ELMO1: variants seen among roughly 807,000 people sequenced by gnomAD.
The protein encoded by ELMO1 is engulfment and cell motility protein 1.
Under a neutral mutation model 98.9 loss-of-function variants are expected in ELMO1, and 26 were observed. The observed-to-expected ratio is 0.26, with a 90% CI of 0.19 to 0.36. The LOEUF (loss-of-function observed/expected upper bound fraction) is 0.36, where lower values mean the gene tolerates loss of function less well. ELMO1 is among the 10% of genes least tolerant of loss of function. The pLI, the probability that ELMO1 is intolerant of heterozygous loss-of-function variation, is 1.00. For missense variants in ELMO1, 627 were observed against 935.2 expected (o/e 0.67, Z 4.30); for synonymous variants, 346 against 346.0 (o/e 1.00, Z 0.00).
chr7:37,306,550 G>C (rs1051658538), intron 4 of ELMO1, among the ~76,000 whole-genome samples: 1 of 152,122 alleles, frequency 6.6e-6, no homozygotes, highest in Non-Finnish European at 1.5e-5. Context: ...AAGATCCAAA[G>C]GCTGCTCACT....
intron 2 of ELMO1, among the ~76,000 whole-genome samples, chr7:37,327,170 C>T (rs1347414295): frequency 1.3e-5 from 2 of 152,214 alleles, no homozygotes; most frequent in Non-Finnish European, 2.9e-5. Context: ...CCACTGCACT[C>T]CACCATGCCT....
intron 16 of ELMO1, among the ~76,000 whole-genome samples, chr7:37,005,195 T>A (rs892325054): frequency 1.3e-5 from 2 of 151,676 alleles, no homozygotes; most frequent in Non-Finnish European, 2.9e-5. Flanking sequence ...TGACTCAGAT[T>A]CCTCGCATGC....
intron 6 of ELMO1, among the ~76,000 whole-genome samples, chr7:37,251,222 T>C (rs1174302548): frequency 2.6e-5 from 4 of 152,246 alleles, no homozygotes; most frequent in African/African-American, 9.6e-5. Flanking sequence ...TCCATCTTTT[T>C]GATATTTGTT....
chr7:37,132,696 T>C (rs1388218806), intron 14 of ELMO1, among the ~76,000 whole-genome samples: 10 of 152,220 alleles, frequency 6.6e-5, no homozygotes, highest in Non-Finnish European at 1.5e-4. Context: ...TGACGTGAAA[T>C]GTAAGAAGGC....
At chr7:37,314,394 C>T (rs1799042284) in intron 4 of ELMO1, among the ~76,000 whole-genome samples, 2 of 152,090 alleles carry the variant, frequency 1.3e-5, no homozygotes, top group African/African-American at 4.8e-5. Flanking sequence ...TAAAATCACC[C>T]AAGGAGAGAG....
At chr7:37,015,051 C>G (rs1041121423) in intron 15 of ELMO1, among the ~76,000 whole-genome samples, 4 of 152,288 alleles carry the variant, frequency 2.6e-5, no homozygotes, top group African/African-American at 7.2e-5. Context: ...TTTCAGACTT[C>G]TTAACAGTTT....
At chr7:37,334,832 T>C (rs1800312660) in intron 2 of ELMO1, among the ~76,000 whole-genome samples, 1 of 152,232 alleles carries the variant, frequency 6.6e-6, no homozygotes, top group South Asian at 2.1e-4. Context: ...CTGCAGGCAA[T>C]CACACTTACC....
At chr7:37,194,727 C>T (rs980401424) in intron 13 of ELMO1, among the ~76,000 whole-genome samples, 3 of 152,200 alleles carry the variant, frequency 2.0e-5, no homozygotes, top group Non-Finnish European at 4.4e-5. Flanking sequence ...CAAATGCTCC[C>T]TATTCTTTAA....
intron 1 of ELMO1, among the ~76,000 whole-genome samples, chr7:37,379,528 A>G (rs1475505703): frequency 6.6e-6 from 1 of 152,092 alleles, no homozygotes; most frequent in Non-Finnish European, 1.5e-5. Flanking sequence ...CACCTTCCCA[A>G]TTCTATACTT....
intron 8 of ELMO1, among the ~76,000 whole-genome samples, chr7:37,229,379 TCC>T (rs1484410371): frequency 6.6e-6 from 1 of 152,190 alleles, no homozygotes; most frequent in African/African-American, 2.4e-5. Context: ...ATCAAGGAAT[TCC>T]AAGTTTCAGA....
chr7:36,946,076 A>T lies in ELMO1; in HGVS notation c.1438-51059T>A, dbSNP rs539143807. ...AGCAGAGGTAGCCTGAGCTGGGAAC[A>T]GGAACAGCAAAGCTGACAGCTGTGC... On this transcript the variant is annotated intron_variant, in intron 16 of 21. Coordinates refer to ENST00000310758, the MANE Select transcript of ELMO1 (RefSeq NM_014800.11). Among the ~76,000 whole-genome samples, 7 of 152,370 alleles carry T rather than the reference A, an allele frequency of 4.6e-5. No individual in the cohort carries two copies. In the East Asian group the frequency reaches 1.3e-3, roughly 29 times the overall value.
chr7:37,331,022 C>T (rs1218081839), intron 2 of ELMO1, among the ~76,000 whole-genome samples: 1 of 152,116 alleles, frequency 6.6e-6, no homozygotes, highest in African/African-American at 2.4e-5. Context: ...AGGGACAAAG[C>T]AGGATAATGC....
intron 16 of ELMO1, among the ~76,000 whole-genome samples, chr7:37,008,482 C>T (rs1270754943): frequency 1.4e-5 from 2 of 146,646 alleles, no homozygotes; most frequent in East Asian, 4.0e-4. Flanking sequence ...CATAGCTTCA[C>T]TTTTTTTTTT....
At chr7:37,167,433 T>G (rs1222562856) in intron 13 of ELMO1, among the ~76,000 whole-genome samples, 1 of 151,932 alleles carries the variant, frequency 6.6e-6, no homozygotes, top group Non-Finnish European at 1.5e-5. Context: ...CTTCCTAGTC[T>G]CAATGGTCTT....
chr7:37,419,284 C>T (rs951243944), intron 1 of ELMO1, among the ~76,000 whole-genome samples: 3 of 152,018 alleles, frequency 2.0e-5, no homozygotes, highest in African/African-American at 7.2e-5. Context: ...GTATTTTTTA[C>T]CTTTGTTAGA....
At chr7:37,187,750 T>G (rs1420427) in intron 13 of ELMO1, among the ~76,000 whole-genome samples, 110,554 of 151,784 alleles carry the variant, frequency 0.73, 40,511 homozygotes, top group South Asian at 0.86. Flanking sequence ...TGTGATAATT[T>G]GACTATTTCA....
chr7:37,384,649 G>A (rs770789509), intron 1 of ELMO1, among the ~76,000 whole-genome samples: 23 of 152,052 alleles, frequency 1.5e-4, no homozygotes, highest in Admixed American at 3.9e-4. Context: ...GAACCCGGGA[G>A]GCGGAGCTTG....
intron 6 of ELMO1, among the ~76,000 whole-genome samples, chr7:37,251,061 T>C (rs1795321485): frequency 6.6e-6 from 1 of 152,220 alleles, no homozygotes; most frequent in Admixed American, 6.5e-5. Flanking sequence ...TCATTGTCTG[T>C]GTGCTTAGAG....
chr7:37,233,041 A>C, intron 8 of ELMO1, 54 bp downstream of exon 8: 1 of 1,438,836 alleles, frequency 7.0e-7, no homozygotes. Context: ...GCAGAGAAAA[A>C]TAGCTATGAC....
Sources: allele counts gnomAD v4.1 joint callset (sites outside exome capture counted in the v4.1 genomes callset), GRCh38; gene constraint gnomAD v4.1.1; transcripts MANE v1.5; gene names NCBI Gene and HGNC (gene_info 2026-07-23, HGNC 2026-07-21).